Variants in NDST3 observed in about 807,000 individuals in gnomAD.
NDST3 encodes the protein bifunctional heparan sulfate N-deacetylase/N-sulfotransferase 3.
A neutral mutation model predicts 96.1 loss-of-function variants in NDST3; 58 were observed. The observed-to-expected ratio is 0.60, with a 90% confidence interval of 0.49 to 0.75. The LOEUF is 0.75. NDST3 is among the 30% of genes least tolerant of loss of function. The pLI is 0.00. For synonymous variants in NDST3, 333 were observed against 359.7 expected (o/e 0.93, Z 0.84); for missense variants, 788 against 1,034.2 (o/e 0.76, Z 3.27).
At chr4:118,175,661 G>A (rs1449885797) in intron 6 of NDST3, among the ~76,000 whole-genome samples, 2 of 152,068 alleles carry the variant, frequency 1.3e-5, no homozygotes, top group African/African-American at 2.4e-5. Context: ...TGATAGAGGT[G>A]AAGCTAAACC....
chr4:118,049,675 A>T (rs529905537), intron 1 of NDST3, among the ~76,000 whole-genome samples: 1 of 151,718 alleles, frequency 6.6e-6, no homozygotes, highest in South Asian at 2.1e-4. Context: ...AATCATTAAG[A>T]GTTTGAAACT....
chr4:118,127,381 C>A (rs1024818426), intron 4 of NDST3, among the ~76,000 whole-genome samples: 1 of 151,876 alleles, frequency 6.6e-6, no homozygotes, highest in Non-Finnish European at 1.5e-5. Context: ...TGGTGATAGA[C>A]AGGGGTTCAG....
At chr4:118,049,113 C>T (rs917544413) in intron 1 of NDST3, among the ~76,000 whole-genome samples, 1 of 152,060 alleles carries the variant, frequency 6.6e-6, no homozygotes, top group Non-Finnish European at 1.5e-5. Context: ...TAACTTGCTC[C>T]TGAATAACTC....
chr4:118,049,983 A>G (rs1359497523), intron 1 of NDST3, among the ~76,000 whole-genome samples: 1 of 152,166 alleles, frequency 6.6e-6, no homozygotes, highest in East Asian at 1.9e-4. Context: ...AGAAATTCTC[A>G]ACCAAATACT....
Position 118,242,150 on chromosome 4 carries a change from G to A in NDST3, c.2399+1G>A, listed in dbSNP as rs1481295620. The A allele has an allele frequency of 2.6e-6, 4 of 1,557,818 alleles. No individual in the cohort carries two copies. Among genetic ancestry groups the A allele is most frequent in the Non-Finnish European group, 3.5e-6 (4 of 1,134,700 alleles). On this transcript the variant is annotated splice_donor_variant, in intron 12 of 13. Coordinates refer to ENST00000296499, the MANE Select transcript of NDST3 (RefSeq NM_004784.3). LOFTEE classifies it high-confidence loss of function. Reference sequence around the variant, plus strand: ...ATTATAATTACTCAGAAGCTTTAACGTAAGTTTATATTCTAATTAGTTTAT... The same window carrying A: ...ATTATAATTACTCAGAAGCTTTAACATAAGTTTATATTCTAATTAGTTTAT...
rs1383360732 is a variant in NDST3 at position 118,066,307 on chromosome 4, T to A, written c.981+11416T>A. Among the ~76,000 whole-genome samples the A allele has an allele frequency of 1.1e-3, 3 of 2,820 alleles. 1 individual carries two copies. Among genetic ancestry groups the A allele is most frequent in the African/African-American group, 1.2e-3 (3 of 2,424 alleles). The allele number at this position is 2,820 out of a possible 152,430, so 1.9% of individuals were successfully genotyped here. ...TATATATATTATATATATTATGTATTATATATATTATATATATTATGTATT... is the reference window on the plus strand; with the variant it reads ...TATATATATTATATATATTATGTATAATATATATTATATATATTATGTATT... On this transcript the variant is annotated intron_variant, in intron 2 of 13. Coordinates refer to ENST00000296499, the MANE Select transcript of NDST3 (RefSeq NM_004784.3).
At chr4:118,116,688 T>G (rs571054919) in intron 4 of NDST3, among the ~76,000 whole-genome samples, 1 of 152,034 alleles carries the variant, frequency 6.6e-6, no homozygotes, top group East Asian at 1.9e-4. Context: ...AAACCCTGTC[T>G]CTACTAAAAA....
chr4:118,091,112 T>C (rs1475432823), intron 2 of NDST3, among the ~76,000 whole-genome samples: 1 of 150,816 alleles, frequency 6.6e-6, no homozygotes, highest in African/African-American at 2.4e-5. Context: ...AAGAGAGCAG[T>C]AGATATAGAT....
intron 6 of NDST3, among the ~76,000 whole-genome samples, chr4:118,200,509 C>T (rs1404827092): frequency 6.6e-6 from 1 of 152,182 alleles, no homozygotes; most frequent in Non-Finnish European, 1.5e-5. Context: ...GTCCTGAAAT[C>T]AGGTACCGTG....
chr4:118,220,194 G>A (rs920029612), intron 6 of NDST3, among the ~76,000 whole-genome samples: 1 of 151,858 alleles, frequency 6.6e-6, no homozygotes, highest in Admixed American at 6.6e-5. Context: ...TAGCAGACAC[G>A]TGGAACCAAC....
chr4:118,232,913 G>C (rs545359773), intron 8 of NDST3, 99 bp from the exon 9 acceptor site: 8 of 1,188,722 alleles, frequency 6.7e-6, no homozygotes, highest in Non-Finnish European at 9.5e-6. Context: ...TAATAAATCT[G>C]TTTGGATCAT....
At chr4:118,251,089 TTTA>T (rs1741681078) in intron 12 of NDST3, among the ~76,000 whole-genome samples, 2 of 70,138 alleles carry the variant, frequency 2.9e-5, no homozygotes, top group South Asian at 1.0e-3. Flanking sequence ...CTATAAATTT[TTTA>T]TTTATTTATT....
At chr4:118,116,899 T>C (rs1293498412) in intron 4 of NDST3, among the ~76,000 whole-genome samples, 1 of 152,034 alleles carries the variant, frequency 6.6e-6, no homozygotes, top group Non-Finnish European at 1.5e-5. Flanking sequence ...ATACATATGC[T>C]AGAACAGGCA....
chr4:118,133,077 C>T (rs750071284), intron 4 of NDST3, among the ~76,000 whole-genome samples: 44 of 152,152 alleles, frequency 2.9e-4, no homozygotes, highest in South Asian at 2.1e-4. Flanking sequence ...CTAGTGTCTC[C>T]CTAGGTCACA....
chr4:118,255,588 C>T lies in NDST3; in HGVS notation c.2503-5C>T, dbSNP rs1332141007. On this transcript the variant is annotated splice_region_variant and splice_polypyrimidine_tract_variant and intron_variant, in intron 13 of 13. Transcript: ENST00000296499. ...ATGTACTTTTCTCTCCTCCTCTCCA[C>T]TTAGAGCAGGACATTTCTGTCAAGC... The T allele has an allele frequency of 1.9e-6, 3 of 1,606,088 alleles. No individual in the cohort carries two copies. In the African/African-American group the frequency reaches 4.0e-5, roughly 22 times the overall value.
chr4:118,176,062 G>C (rs28734874), intron 6 of NDST3, among the ~76,000 whole-genome samples: 6,939 of 151,880 alleles, frequency 0.046, 309 homozygotes, highest in African/African-American at 0.11. Context: ...TTAGTAAAAA[G>C]TTTGCCATAT....
chr4:118,109,644 T>C (rs979613578), intron 3 of NDST3, among the ~76,000 whole-genome samples: 2 of 152,198 alleles, frequency 1.3e-5, no homozygotes, highest in East Asian at 3.9e-4. Context: ...GCCAGGGTTG[T>C]CTAAGACCAG....
intron 2 of NDST3, among the ~76,000 whole-genome samples, chr4:118,096,360 A>G (rs1031494454): frequency 2.6e-5 from 4 of 151,964 alleles, no homozygotes; most frequent in Middle Eastern, 3.4e-3. Context: ...TTGCTTCCTC[A>G]TACCTTATCT....
At chr4:118,177,864 T>A (rs1046643165) in intron 6 of NDST3, among the ~76,000 whole-genome samples, 1 of 151,622 alleles carries the variant, frequency 6.6e-6, no homozygotes. Flanking sequence ...GGTGAAGGAG[T>A]GGAGAAGGCA....
Sources: gnomAD v4.1 joint callset for allele counts (sites outside exome capture counted in the v4.1 genomes callset) on GRCh38, gnomAD v4.1.1 for gene constraint, MANE v1.5 for transcripts, NCBI Gene and HGNC (gene_info 2026-07-23, HGNC 2026-07-21) for gene names.